Variants in PDE4D observed in about 807,000 individuals in gnomAD.
The protein encoded by PDE4D is phosphodiesterase 4D.
Under a neutral mutation model 87.4 loss-of-function variants are expected in PDE4D, and 24 were observed. The ratio of observed to expected loss-of-function variants is 0.27; its 90% CI spans 0.20 to 0.39. PDE4D has a LOEUF of 0.39. Ranked by LOEUF, PDE4D falls within the 10% of genes least tolerant of loss-of-function variation. The pLI is 1.00. For missense variants in PDE4D, 714 were observed against 1,041.0 expected (o/e 0.69, Z 4.32); for synonymous variants, 384 against 383.2 (o/e 1.00, Z -0.02).
At chr5:59,003,272 C>T (rs1266912003) in intron 6 of PDE4D, among the ~76,000 whole-genome samples, 1 of 152,198 alleles carries the variant, frequency 6.6e-6, no homozygotes, top group African/African-American at 2.4e-5. Flanking sequence ...CCATATCTGA[C>T]CTTAATCCCC....
intron 1 of PDE4D, among the ~76,000 whole-genome samples, chr5:59,802,017 GA>G (rs1461637464): frequency 2.6e-5 from 4 of 152,090 alleles, no homozygotes; most frequent in Admixed American, 2.0e-4. Flanking sequence ...TACAAATAAA[GA>G]AGGGCTAGGT....
intron 1 of PDE4D, among the ~76,000 whole-genome samples, chr5:60,332,914 A>G (rs1757429974): frequency 6.6e-6 from 1 of 152,212 alleles, no homozygotes; most frequent in Non-Finnish European, 1.5e-5. Context: ...AGGAATTATA[A>G]TTCATGCTCT....
Position 60,505,100 on chromosome 5 carries a change from C to A in PDE4D, n.70+16951G>T, listed in dbSNP as rs181058983. Among the ~76,000 whole-genome samples, 164 of 152,280 alleles carry A rather than the reference C, an allele frequency of 1.1e-3. 1 individual carries two copies. The highest frequency in any genetic ancestry group is 1.9e-3 in the Non-Finnish European group (126 of 68,028). On this transcript the variant is annotated intron_variant and non_coding_transcript_variant, in intron 1 of 2. Transcript: ENST00000506510. ...CTTGTGAAGGGGGCTTTGGATAACT[C>A]CCTAGAGGGAGAAAAAGAGAGGAAA...
intron 1 of PDE4D, among the ~76,000 whole-genome samples, chr5:59,862,190 C>G (rs1369327636): frequency 6.6e-6 from 1 of 152,198 alleles, no homozygotes; most frequent in Non-Finnish European, 1.5e-5. Flanking sequence ...CCATCAAAAC[C>G]ATTTCTATAC....
intron 1 of PDE4D, among the ~76,000 whole-genome samples, chr5:59,858,238 A>G (rs959223022): frequency 3.3e-5 from 5 of 152,102 alleles, no homozygotes; most frequent in African/African-American, 4.8e-5. Flanking sequence ...CTCACCTGGC[A>G]TTCCTACTTG....
chr5:59,233,631 A>G (rs546080638), intron 1 of PDE4D, among the ~76,000 whole-genome samples: 40 of 152,270 alleles, frequency 2.6e-4, no homozygotes, highest in African/African-American at 9.4e-4. Context: ...GAAGAAGGAA[A>G]GGATATTACC....
At chr5:59,943,293 G>A (rs1376144193) in intron 3 of PDE4D, among the ~76,000 whole-genome samples, 6 of 151,990 alleles carry the variant, frequency 3.9e-5, no homozygotes, top group African/African-American at 1.2e-4. Context: ...AGATTCCAAT[G>A]TTGGCCTATT....
intron 1 of PDE4D, among the ~76,000 whole-genome samples, chr5:59,335,326 A>G (rs752197497): frequency 2.0e-5 from 3 of 152,202 alleles, no homozygotes; most frequent in Non-Finnish European, 2.9e-5. Context: ...GAGACTTCTG[A>G]CAGTAAAATC....
At chr5:59,560,954 C>G (rs1819874005) in intron 1 of PDE4D, 1 of 152,192 alleles carries the variant, frequency 6.6e-6, no homozygotes, top group African/African-American at 2.4e-5. Context: ...AAAAACATGA[C>G]AGAGTAAGAG....
chr5:59,965,154 C>A (rs1581941128), intron 3 of PDE4D, among the ~76,000 whole-genome samples: 1 of 152,252 alleles, frequency 6.6e-6, no homozygotes, highest in East Asian at 1.9e-4. Context: ...GGATCAATCC[C>A]TTTTTATCTG....
chr5:59,091,110 A>G (rs1183075403), intron 5 of PDE4D: 1 of 454,746 alleles, frequency 2.2e-6, no homozygotes, highest in East Asian at 7.0e-5. Flanking sequence ...AAATGCAATG[A>G]TCCCATTATA....
chr5:59,824,217 A>T (rs993326860), intron 1 of PDE4D, among the ~76,000 whole-genome samples: 1 of 152,206 alleles, frequency 6.6e-6, no homozygotes, highest in Non-Finnish European at 1.5e-5. Flanking sequence ...TGTAATCAAT[A>T]TTAAAAATTT....
intron 6 of PDE4D, among the ~76,000 whole-genome samples, chr5:59,011,660 A>G (rs1752839317): frequency 1.3e-5 from 2 of 152,226 alleles, no homozygotes; most frequent in African/African-American, 2.4e-5. Context: ...CTATGTGAAA[A>G]GACCAAATCT....
intron 1 of PDE4D, among the ~76,000 whole-genome samples, chr5:59,653,674 C>CCTATG (rs1743894384): frequency 6.6e-6 from 1 of 152,164 alleles, no homozygotes; most frequent in South Asian, 2.1e-4. Context: ...TGTCCCAATT[C>CCTATG]TGCATTTGCC....
At chr5:59,450,886 T>A (rs2153640173) in intron 1 of PDE4D, among the ~76,000 whole-genome samples, 1 of 152,262 alleles carries the variant, frequency 6.6e-6, no homozygotes, top group East Asian at 1.9e-4. Context: ...ACTCTTTTCC[T>A]CCTCTTTACC....
chr5:60,488,531 C>T (rs1201296831), upstream of PDE4D: 2 of 151,380 alleles, frequency 1.3e-5, no homozygotes, highest in African/African-American at 4.9e-5. Flanking sequence ...TTTACATTTT[C>T]CTATTCTAAT....
intron 1 of PDE4D, among the ~76,000 whole-genome samples, chr5:59,439,797 T>C (rs1582612662): frequency 6.6e-6 from 1 of 152,172 alleles, no homozygotes; most frequent in Non-Finnish European, 1.5e-5. Flanking sequence ...GAGAGGCTGG[T>C]CTTCCTGTGA....
intron 1 of PDE4D, among the ~76,000 whole-genome samples, chr5:59,672,493 G>A (rs1747380789): frequency 6.6e-6 from 1 of 152,092 alleles, no homozygotes; most frequent in African/African-American, 2.4e-5. Flanking sequence ...CAAATCTCTG[G>A]ATATTTGGTT....
In PDE4D at chr5:59,632,436, G is replaced by T. The variant is rs569517951; in HGVS notation, c.455+260732C>A. Among the ~76,000 whole-genome samples, 6 of 152,334 alleles carry T rather than the reference G, an allele frequency of 3.9e-5. No individual in the cohort carries two copies. The East Asian group carries it at 9.6e-4, about 24-fold the overall frequency. On this transcript the variant is annotated intron_variant, in intron 1 of 14. Coordinates refer to ENST00000340635, the MANE Select transcript of PDE4D (RefSeq NM_001104631.2). ...CCTCAAGTTGGCCCCTGACCCCTGT[G>T]CCTCCCGATAGGGAGATACTCCCAG...
Sources: allele counts gnomAD v4.1 joint callset (sites outside exome capture counted in the v4.1 genomes callset), GRCh38; gene constraint gnomAD v4.1.1; transcripts MANE v1.5; gene names NCBI Gene and HGNC (gene_info 2026-07-23, HGNC 2026-07-21).